The following IQGAP2 variants were observed in gnomAD, a reference collection of about 807,000 sequenced individuals.
IQGAP2 encodes the protein IQ motif containing GTPase activating protein 2, also known as ras GTPase-activating-like protein IQGAP2.
Under a neutral mutation model 201.3 loss-of-function variants are expected in IQGAP2, and 173 were observed. The observed-to-expected ratio is 0.86, with a 90% CI of 0.76 to 0.98. The LOEUF is 0.98. IQGAP2 is among the 50% of genes least tolerant of loss of function. IQGAP2 has a pLI of 0.00. For missense variants in IQGAP2, 1,687 were observed against 1,864.8 expected (o/e 0.90, Z 1.76); for synonymous variants, 675 against 673.9 (o/e 1.00, Z -0.03).
chr5:76,488,790 G>C (rs1319125218), intron 2 of IQGAP2, among the ~76,000 whole-genome samples: 1 of 152,180 alleles, frequency 6.6e-6, no homozygotes, highest in Non-Finnish European at 1.5e-5. Context: ...TTAGCCATCT[G>C]TTAGCTTCTA....
At chr5:76,444,523 T>C (rs1753256669) in intron 1 of IQGAP2, among the ~76,000 whole-genome samples, 1 of 152,190 alleles carries the variant, frequency 6.6e-6, no homozygotes, top group Non-Finnish European at 1.5e-5. Context: ...GGTCTCGAAC[T>C]CCCAACCTTA....
chr5:76,610,102 ATATATATATATATTTTTTT>A (rs1748203310), intron 12 of IQGAP2, among the ~76,000 whole-genome samples: 1 of 21,192 alleles, frequency 4.7e-5, no homozygotes, highest in African/African-American at 1.7e-4. Flanking sequence ...ATATATATAT[ATATATATATATATTTTTTT>A]TTTTTTTTTT....
Position 76,658,454 on chromosome 5 carries a change from T to G in IQGAP2, c.2321-5T>G. 6.2e-7 allele frequency: 1 copy of G among 1,609,552 alleles called. No individual in the cohort carries two copies. ...ATTAAAGTATACCTGTTCCTGTCAC[T>G]GCAGTTGGCTCTGAAAACCCACCAT... On this transcript the variant is annotated splice_polypyrimidine_tract_variant and splice_region_variant and intron_variant, in intron 20 of 35. Coordinates refer to ENST00000274364, the MANE Select transcript of IQGAP2 (RefSeq NM_006633.5).
intron 30 of IQGAP2, among the ~76,000 whole-genome samples, chr5:76,689,230 T>TTAAAAAAAAAAAAAAA (rs566505116): frequency 1.2e-5 from 1 of 86,492 alleles, no homozygotes; most frequent in Non-Finnish European, 2.1e-5. Context: ...CAGGGATATT[T>TTAAAAAAAAAAAAAAA]AAAAAAAAAA....
intron 14 of IQGAP2, among the ~76,000 whole-genome samples, chr5:76,629,074 A>G (rs1047173396): frequency 6.6e-6 from 1 of 152,046 alleles, no homozygotes; most frequent in Non-Finnish European, 1.5e-5. Flanking sequence ...TCACATTGAG[A>G]CTCATGGTTC....
At chr5:76,501,830 CG>C (rs1397000234) in intron 2 of IQGAP2, among the ~76,000 whole-genome samples, 5 of 151,526 alleles carry the variant, frequency 3.3e-5, no homozygotes, top group Admixed American at 2.0e-4. Context: ...TTCGTAGAGG[CG>C]GGGGTTTCAC....
chr5:76,504,202 T>C (rs1294252850), intron 2 of IQGAP2, among the ~76,000 whole-genome samples: 13 of 152,170 alleles, frequency 8.5e-5, no homozygotes, highest in Non-Finnish European at 4.4e-5. Flanking sequence ...CCCAGTACTC[T>C]GCACCTTGCA....
chr5:76,414,182 C>T (rs1751290537), intron 1 of IQGAP2, among the ~76,000 whole-genome samples: 1 of 152,220 alleles, frequency 6.6e-6, no homozygotes, highest in African/African-American at 2.4e-5. Context: ...CAAAAGGGGA[C>T]CATTGTAATC....
chr5:76,634,261 CT>C (rs11356351), intron 15 of IQGAP2, among the ~76,000 whole-genome samples: 52,816 of 147,396 alleles, frequency 0.36, 9,234 homozygotes, highest in East Asian at 0.4. Context: ...AAATATTTGC[CT>C]TTTTTTTTTT....
chr5:76,667,897 T>C (rs1281858109), intron 22 of IQGAP2, among the ~76,000 whole-genome samples: 3 of 121,364 alleles, frequency 2.5e-5, no homozygotes, highest in Non-Finnish European at 3.5e-5. Context: ...TTTTTTTTTT[T>C]TTTGATACAG....
Position 76,496,760 on chromosome 5 carries a change from T to TC in IQGAP2, c.146+35092dup, listed in dbSNP as rs1554061582. ...TTCTTTCTTTCTTTCTTTCTTTCTT[T>TC]CTTTCTTTCTTTCTTTCTTTCTTTC... On this transcript the variant is annotated intron_variant, in intron 2 of 35. Transcript: ENST00000274364. 1.6e-4 allele frequency among the ~76,000 whole-genome samples: 14 copies of TC among 89,326 alleles called. 1 individual carries two copies. The highest frequency in any genetic ancestry group is 7.1e-4 in the South Asian group (2 of 2,802). 58.6% of individuals were successfully genotyped at this position (89,326 alleles called of 152,430 possible). A position where few individuals can be genotyped will look rare whatever the true frequency, so the allele number is the denominator to read the frequency against.
At chr5:76,423,931 C>T (rs1751863042) in intron 1 of IQGAP2, among the ~76,000 whole-genome samples, 1 of 152,140 alleles carries the variant, frequency 6.6e-6, no homozygotes, top group African/African-American at 2.4e-5. Context: ...AGTTTTCTAC[C>T]ACGTTTACAT....
rs371685030 is a variant in IQGAP2, at chr5:76,707,681, C to T, written c.*368C>T. ...AATTTTAAATGTCCCACTTGAATAACGTAATTCTTCATAGTTTTTTTAATC... is the reference window on the plus strand; with the variant it reads ...AATTTTAAATGTCCCACTTGAATAATGTAATTCTTCATAGTTTTTTTAATC... On this transcript the variant is annotated 3_prime_UTR_variant, in exon 36 of 36. Transcript: ENST00000274364. 4.3e-5 allele frequency: 7 copies of T among 163,312 alleles called. No individual in the cohort carries two copies. In the South Asian group the frequency reaches 5.5e-4, roughly 13 times the overall value. The allele number at this position is 163,312 out of a possible 1,614,324, so 10.1% of individuals were successfully genotyped here.
At chr5:76,666,686 A>G (rs193078261) in intron 22 of IQGAP2, among the ~76,000 whole-genome samples, 39 of 152,310 alleles carry the variant, frequency 2.6e-4, no homozygotes, top group African/African-American at 8.7e-4. Flanking sequence ...ATATCACTAA[A>G]GAAATTATAG....
chr5:76,468,077 G>T (rs1754882356), intron 2 of IQGAP2, among the ~76,000 whole-genome samples: 2 of 152,116 alleles, frequency 1.3e-5, no homozygotes, highest in South Asian at 4.1e-4. Flanking sequence ...CCACTGAGTT[G>T]TTTACTTTAA....
intron 1 of IQGAP2, among the ~76,000 whole-genome samples, chr5:76,434,320 A>G (rs1279915064): frequency 2.0e-5 from 3 of 152,080 alleles, no homozygotes; most frequent in African/African-American, 7.2e-5. Flanking sequence ...CCCGATACAT[A>G]GTTTTATATC....
At chr5:76,411,600 C>T (rs1180664644) in intron 1 of IQGAP2, among the ~76,000 whole-genome samples, 3 of 152,122 alleles carry the variant, frequency 2.0e-5, no homozygotes, top group African/African-American at 7.2e-5. Context: ...TGAGTTCAGC[C>T]TCCTTTTCTC....
chr5:76,680,622 G>A (rs939599706), intron 28 of IQGAP2, among the ~76,000 whole-genome samples: 31 of 148,974 alleles, frequency 2.1e-4, no homozygotes, highest in African/African-American at 4.0e-4. Context: ...GGAGTTCGTC[G>A]ACAAAATAGG....
At chr5:76,617,967 T>C in intron 13 of IQGAP2, 4 of 1,614,110 alleles carry the variant, frequency 2.5e-6, no homozygotes, top group Non-Finnish European at 3.4e-6. Context: ...GTTGTGAACA[T>C]CATGGCAGGT....
Sources: allele counts gnomAD v4.1 joint callset (sites outside exome capture counted in the v4.1 genomes callset), GRCh38; gene constraint gnomAD v4.1.1; transcripts MANE v1.5; gene names NCBI Gene and HGNC (gene_info 2026-07-23, HGNC 2026-07-21).